Variants in TBC1D5 observed in about 807,000 individuals in gnomAD.
TBC1D5 encodes TBC1 domain family member 5, also known as TBC1 domain family, member 5.
In TBC1D5, 75 loss-of-function variants were observed where a neutral mutation model predicts 100.3. The observed-to-expected ratio is 0.75, with a 90% CI of 0.62 to 0.91. TBC1D5 has a LOEUF of 0.91. Among genes scored for constraint, TBC1D5 ranks in the 40% least tolerant of loss-of-function variants. The pLI is 0.00. For missense variants in TBC1D5, 910 were observed against 942.4 expected (o/e 0.97, Z 0.45); for synonymous variants, 323 against 325.6 (o/e 0.99, Z 0.09).
intron 18 of TBC1D5, among the ~76,000 whole-genome samples, chr3:17,209,240 A>G (rs572935422): frequency 5.9e-5 from 9 of 152,330 alleles, no homozygotes; most frequent in Non-Finnish European, 1.0e-4. Flanking sequence ...TTGATCTCCC[A>G]GACTCAGGTG....
chr3:17,259,760 AT>A (rs2078096867), intron 15 of TBC1D5, among the ~76,000 whole-genome samples: 1 of 152,130 alleles, frequency 6.6e-6, no homozygotes, highest in Non-Finnish European at 1.5e-5. Flanking sequence ...ACAGTTTGAA[AT>A]TCATCAAGCG....
intron 17 of TBC1D5, among the ~76,000 whole-genome samples, chr3:17,237,918 A>G (rs144312265): frequency 1.3e-5 from 2 of 152,298 alleles, no homozygotes; most frequent in East Asian, 3.9e-4. Context: ...ATGCCATCAT[A>G]CTGTATGGGC....
At chr3:17,685,395 T>C (rs76798973) in intron 1 of TBC1D5, among the ~76,000 whole-genome samples, 1 of 152,062 alleles carries the variant, frequency 6.6e-6, no homozygotes, top group East Asian at 1.9e-4. Flanking sequence ...ATCAGATAAA[T>C]AATTTACTAA....
chr3:17,662,527 T>C (rs1417807300), intron 1 of TBC1D5, among the ~76,000 whole-genome samples: 2 of 152,212 alleles, frequency 1.3e-5, no homozygotes, highest in Non-Finnish European at 2.9e-5. Flanking sequence ...ATTTGATTTT[T>C]TTCTCTAGAG....
At chr3:17,508,570 T>C (rs1379668405) in exon 3 of TBC1D5, 4 of 1,612,030 alleles carry the variant, frequency 2.5e-6, no homozygotes, top group Non-Finnish European at 2.5e-6. Context: ...GAATGATACA[T>C]TGTGGGAACT....
At chr3:17,617,664 A>G (rs1043591421) in intron 2 of TBC1D5, among the ~76,000 whole-genome samples, 17 of 152,098 alleles carry the variant, frequency 1.1e-4, no homozygotes, top group African/African-American at 4.1e-4. Context: ...AATCACTGAT[A>G]CCCTTTCTTC....
At chr3:17,604,293 T>A (rs550144942) in intron 2 of TBC1D5, among the ~76,000 whole-genome samples, 1 of 152,130 alleles carries the variant, frequency 6.6e-6, no homozygotes, top group Non-Finnish European at 1.5e-5. Context: ...AATTTCCTTA[T>A]GAAGAACTCA....
At chr3:17,513,141 G>A (rs992738230) in intron 2 of TBC1D5, among the ~76,000 whole-genome samples, 3 of 151,948 alleles carry the variant, frequency 2.0e-5, no homozygotes, top group African/African-American at 4.8e-5. Flanking sequence ...AGACCACCCC[G>A]GCCAATATGG....
chr3:17,460,947 GAT>G (rs1232792936), intron 3 of TBC1D5, among the ~76,000 whole-genome samples: 2 of 152,096 alleles, frequency 1.3e-5, no homozygotes, highest in Admixed American at 6.6e-5. Context: ...TGCAGTCTAC[GAT>G]AGATTATTCA....
intron 17 of TBC1D5, among the ~76,000 whole-genome samples, 175 bp downstream of exon 18, chr3:17,233,510 C>T (rs1024102933): frequency 6.6e-6 from 1 of 152,132 alleles, no homozygotes; most frequent in African/African-American, 2.4e-5. Context: ...CAAGGTATGA[C>T]ATGAGAGGGG....
At chr3:17,703,306 TA>T (rs1278234692) in intron 1 of TBC1D5, among the ~76,000 whole-genome samples, 4 of 151,354 alleles carry the variant, frequency 2.6e-5, no homozygotes, top group Admixed American at 6.6e-5. Flanking sequence ...AGGTAGGCTT[TA>T]AAAAAAAATC....
rs1415062853 is a variant in TBC1D5, at chr3:17,542,676, T to C, written c.-35-34071A>G. On this transcript the variant is annotated intron_variant, in intron 2 of 21. Transcript: ENST00000253692. ...GAGAGTTTTTATTAAGAAATATTGT[T>C]AAATTTTGTCAAGTGCTTTTTCTGC... Among the ~76,000 whole-genome samples, 3 of 152,236 alleles carry C rather than the reference T, an allele frequency of 2.0e-5. No individual in the cohort carries two copies. The South Asian group carries it at 6.2e-4, about 32-fold the overall frequency.
intron 1 of TBC1D5, chr3:17,644,035 T>C (rs1459865878): frequency 6.6e-6 from 1 of 152,030 alleles, no homozygotes; most frequent in African/African-American, 2.4e-5. Flanking sequence ...AAGCATAAAA[T>C]TATACCAGTA....
chr3:17,531,210 G>A (rs368471478), intron 2 of TBC1D5, among the ~76,000 whole-genome samples: 2 of 152,222 alleles, frequency 1.3e-5, no homozygotes. Flanking sequence ...AGAGAGCCAA[G>A]TCATGAGTGA....
At chr3:17,593,551 G>A (rs1398329246) in intron 2 of TBC1D5, among the ~76,000 whole-genome samples, 1 of 152,134 alleles carries the variant, frequency 6.6e-6, no homozygotes, top group Admixed American at 6.5e-5. Context: ...TGTCCTCACT[G>A]GAACAGACAC....
intron 9 of TBC1D5, among the ~76,000 whole-genome samples, chr3:17,380,968 A>G (rs992055641): frequency 1.3e-5 from 2 of 152,092 alleles, no homozygotes; most frequent in African/African-American, 4.8e-5. Flanking sequence ...CTTGTGATGA[A>G]ACTTAAGGTT....
At chr3:17,366,153 T>C (rs2092113507) in intron 13 of TBC1D5, among the ~76,000 whole-genome samples, 1 of 151,988 alleles carries the variant, frequency 6.6e-6, no homozygotes, top group Non-Finnish European at 1.5e-5. Context: ...TAGCTGGGCA[T>C]GGTGACAGGT....
chr3:17,650,222 G>A (rs776354596), intron 1 of TBC1D5, among the ~76,000 whole-genome samples: 4 of 151,870 alleles, frequency 2.6e-5, no homozygotes, highest in Admixed American at 6.6e-5. Flanking sequence ...AGCAAACCAC[G>A]ATGGCACATG....
chr3:17,553,108 G>A (rs1298811613), intron 2 of TBC1D5, among the ~76,000 whole-genome samples: 2 of 151,932 alleles, frequency 1.3e-5, no homozygotes, highest in East Asian at 3.8e-4. Flanking sequence ...ATATACTTGG[G>A]GCACCATATT....
Sources: gnomAD v4.1 joint callset for allele counts (sites outside exome capture counted in the v4.1 genomes callset) on GRCh38, gnomAD v4.1.1 for gene constraint, MANE v1.5 for transcripts, NCBI Gene and HGNC (gene_info 2026-07-23, HGNC 2026-07-21) for gene names.